Variants in ARL15 observed in about 807,000 individuals in gnomAD.
The protein encoded by ARL15 is ADP-ribosylation factor-like protein 15.
In ARL15, 19 loss-of-function variants were observed where a neutral mutation model predicts 25.2. The ratio of observed to expected loss-of-function variants is 0.75; its 90% CI spans 0.53 to 1.10. The LOEUF is 1.10. Ranked by LOEUF, ARL15 falls within the 50% of genes least tolerant of loss-of-function variation. The pLI is 0.00. For missense variants in ARL15, 220 were observed against 246.0 expected (o/e 0.89, Z 0.71); for synonymous variants, 94 against 86.8 (o/e 1.08, Z -0.46).
chr5:54,062,623 G>GT (rs1477578587), intron 4 of ARL15, among the ~76,000 whole-genome samples: 3 of 151,998 alleles, frequency 2.0e-5, no homozygotes, highest in Non-Finnish European at 2.9e-5. Context: ...TGCCATGATT[G>GT]TAAGGCCTCC....
chr5:54,198,801 A>G (rs1326127989), intron 1 of ARL15, among the ~76,000 whole-genome samples: 2 of 151,290 alleles, frequency 1.3e-5, no homozygotes, highest in Non-Finnish European at 3.0e-5. Flanking sequence ...AACTACTTTA[A>G]AGTTCATATG....
chr5:54,220,179 T>A (rs1756331478), intron 1 of ARL15, among the ~76,000 whole-genome samples: 1 of 152,214 alleles, frequency 6.6e-6, no homozygotes, highest in African/African-American at 2.4e-5. Flanking sequence ...TATATAGTAC[T>A]AAAGAAAGTT....
At chr5:53,912,283 G>A (rs144041878) in intron 4 of ARL15, among the ~76,000 whole-genome samples, 1 of 152,200 alleles carries the variant, frequency 6.6e-6, no homozygotes, top group African/African-American at 2.4e-5. Context: ...AGACACAATA[G>A]TGGTGGTCTG....
chr5:54,154,475 C>A, intron 3 of ARL15, 105 bp downstream of exon 3: 2 of 676,970 alleles, frequency 3.0e-6, no homozygotes, highest in East Asian at 3.3e-5. Context: ...AAAAATGAAC[C>A]ACCTACTAAA....
intron 4 of ARL15, among the ~76,000 whole-genome samples, chr5:54,054,701 G>A (rs1279522793): frequency 2.0e-5 from 3 of 152,108 alleles, no homozygotes; most frequent in African/African-American, 7.2e-5. Flanking sequence ...GAGGCAGGAG[G>A]ATGGCGTGAA....
chr5:53,931,953 A>G (rs1746206422), intron 4 of ARL15, among the ~76,000 whole-genome samples: 1 of 152,224 alleles, frequency 6.6e-6, no homozygotes, highest in African/African-American at 2.4e-5. Context: ...TTCAAAAAAT[A>G]CTTGTGGATA....
chr5:54,066,042 A>G (rs1054327257), intron 4 of ARL15, among the ~76,000 whole-genome samples: 2 of 152,330 alleles, frequency 1.3e-5, no homozygotes, highest in African/African-American at 4.8e-5. Flanking sequence ...GATGTTTTAA[A>G]TACATTATTT....
intron 3 of ARL15, among the ~76,000 whole-genome samples, chr5:54,151,340 C>CTT (rs974550796): frequency 2.6e-5 from 4 of 152,178 alleles, no homozygotes; most frequent in African/African-American, 9.7e-5. Context: ...TACTTCTGCA[C>CTT]TTAATTTTTT....
At chr5:53,907,210 T>C (rs1055631899) in intron 4 of ARL15, among the ~76,000 whole-genome samples, 1 of 151,990 alleles carries the variant, frequency 6.6e-6, no homozygotes, top group African/African-American at 2.4e-5. Context: ...CATGTTACTA[T>C]TCCTCCCACA....
At chr5:54,124,316 G>A (rs565137160) in intron 3 of ARL15, among the ~76,000 whole-genome samples, 1 of 152,258 alleles carries the variant, frequency 6.6e-6, no homozygotes, top group South Asian at 2.1e-4. Context: ...ACATATAAAA[G>A]TATGTTAATC....
chr5:54,210,587 CTGT>C (rs1265248344), intron 1 of ARL15, among the ~76,000 whole-genome samples: 3 of 152,152 alleles, frequency 2.0e-5, no homozygotes, highest in South Asian at 2.1e-4. Context: ...CAAATGATAA[CTGT>C]ACATGACAAA....
At chr5:54,210,040 C>T (rs17267677) in intron 1 of ARL15, among the ~76,000 whole-genome samples, 3,095 of 152,234 alleles carry the variant, frequency 0.02, 42 homozygotes, top group Non-Finnish European at 0.032. Flanking sequence ...TTAATTTCTT[C>T]TTTGTGTCCT....
At chr5:53,932,667 T>C (rs539529919) in intron 4 of ARL15, among the ~76,000 whole-genome samples, 2 of 152,238 alleles carry the variant, frequency 1.3e-5, no homozygotes, top group South Asian at 4.1e-4. Context: ...ATAAAGCCAA[T>C]GTTTGTGGTC....
At chr5:54,132,479 A>T (rs1264110687) in intron 3 of ARL15, among the ~76,000 whole-genome samples, 1 of 152,184 alleles carries the variant, frequency 6.6e-6, no homozygotes, top group East Asian at 1.9e-4. Flanking sequence ...TTTAAGAGCA[A>T]AATAATCAAT....
chr5:53,963,579 G>C (rs1446583000), intron 4 of ARL15, among the ~76,000 whole-genome samples: 1 of 152,128 alleles, frequency 6.6e-6, no homozygotes, highest in Non-Finnish European at 1.5e-5. Flanking sequence ...AGGCCAAGAC[G>C]GGTGCATCAC....
chr5:54,283,968 T>C (rs933053722), intron 1 of ARL15, among the ~76,000 whole-genome samples: 1 of 152,198 alleles, frequency 6.6e-6, no homozygotes, highest in Non-Finnish European at 1.5e-5. Context: ...AGTGACAATC[T>C]TGGGTTGTGA....
intron 2 of ARL15, among the ~76,000 whole-genome samples, chr5:54,167,396 C>T (rs542811350): frequency 6.6e-6 from 1 of 152,292 alleles, no homozygotes; most frequent in Admixed American, 6.5e-5. Context: ...GGAACTGTGC[C>T]ACAGCCTGGA....
At chr5:54,041,611 C>T (rs1179334876) in intron 4 of ARL15, among the ~76,000 whole-genome samples, 2 of 152,172 alleles carry the variant, frequency 1.3e-5, no homozygotes, top group Non-Finnish European at 2.9e-5. Context: ...CAATCACATG[C>T]TTCTTTAAAG....
chr5:53,923,668 T>C (rs1004052228), intron 4 of ARL15, among the ~76,000 whole-genome samples: 5 of 152,208 alleles, frequency 3.3e-5, no homozygotes, highest in African/African-American at 9.7e-5. Flanking sequence ...TTAAAAAACT[T>C]ATCAAGTTTT....
Sources: allele counts gnomAD v4.1 joint callset (sites outside exome capture counted in the v4.1 genomes callset), GRCh38; gene constraint gnomAD v4.1.1; transcripts MANE v1.5; gene names NCBI Gene and HGNC (gene_info 2026-07-23, HGNC 2026-07-21).